Variants in ZNF148 observed in about 807,000 individuals in gnomAD.
ZNF148 encodes the protein Beta-Enolase Repressor Factor-1.
A neutral mutation model predicts 67.7 loss-of-function variants in ZNF148; 7 were observed. That is an observed-to-expected ratio of 0.10 (90% confidence interval 0.06 to 0.19). ZNF148 has a LOEUF of 0.19. Ranked by LOEUF, ZNF148 falls within the 10% of genes least tolerant of loss-of-function variation. ZNF148 has a pLI of 1.00. For synonymous variants in ZNF148, 333 were observed against 330.7 expected (o/e 1.01, Z -0.08); for missense variants, 583 against 947.1 (o/e 0.62, Z 5.05).
chr3:125,288,753 C>T (rs1464558882), intron 4 of ZNF148, among the ~76,000 whole-genome samples: 3 of 152,058 alleles, frequency 2.0e-5, no homozygotes, highest in Admixed American at 2.0e-4. Context: ...TATCTTCATG[C>T]TCAACAGTTT....
intron 5 of ZNF148, among the ~76,000 whole-genome samples, chr3:125,284,714 G>T (rs1429565380): frequency 6.6e-6 from 1 of 152,064 alleles, no homozygotes; most frequent in Non-Finnish European, 1.5e-5. Flanking sequence ...TATTTAAAAG[G>T]TGTAAGCTTC....
Position 125,232,198 on chromosome 3 carries a change from G to A in ZNF148, c.*143C>T. The A allele has an allele frequency of 1.0e-6, 1 of 994,926 alleles. No individual in the cohort carries two copies. The highest frequency in any genetic ancestry group is 1.4e-6 in the Non-Finnish European group (1 of 713,124). The allele number at this position is 994,926 out of a possible 1,614,324, so 61.6% of individuals were successfully genotyped here. Reference sequence around the variant, plus strand: ...ACTAACCAAACGAAATGCAGTTATTGGATTATCTTGCTATTCATATCAGCT... The same window carrying A: ...ACTAACCAAACGAAATGCAGTTATTAGATTATCTTGCTATTCATATCAGCT... On this transcript the variant is annotated 3_prime_UTR_variant, in exon 9 of 9. Coordinates refer to ENST00000360647, the MANE Select transcript of ZNF148 (RefSeq NM_021964.3). This position sits in a 1 kb window ranked among gnomAD's most constrained non-coding sequence, Gnocchi z 4.2.
At chr3:125,275,139 G>T (rs1162212286) in intron 7 of ZNF148, among the ~76,000 whole-genome samples, 1 of 152,196 alleles carries the variant, frequency 6.6e-6, no homozygotes, top group Non-Finnish European at 1.5e-5. Context: ...ACGAAGTAAA[G>T]AAGGGAAAAC....
intron 1 of ZNF148, among the ~76,000 whole-genome samples, chr3:125,372,579 T>TA (rs1457843313): frequency 6.6e-6 from 1 of 152,228 alleles, no homozygotes; most frequent in Admixed American, 6.5e-5. Context: ...AATTAATGCT[T>TA]AAAAGTAGCA....
intron 7 of ZNF148, among the ~76,000 whole-genome samples, chr3:125,243,550 T>C (rs1193381115): frequency 6.6e-6 from 1 of 152,182 alleles, no homozygotes; most frequent in Non-Finnish European, 1.5e-5. Flanking sequence ...GAGCAGGGTC[T>C]CACTCTGGCA....
intron 1 of ZNF148, among the ~76,000 whole-genome samples, chr3:125,372,533 T>G (rs1265363174): frequency 6.6e-6 from 1 of 152,198 alleles, no homozygotes; most frequent in Non-Finnish European, 1.5e-5. Context: ...TGCCCATTAC[T>G]TGGAGACATG....
At chr3:125,278,095 A>ATG (rs1282872353) in intron 6 of ZNF148, among the ~76,000 whole-genome samples, 3 of 152,168 alleles carry the variant, frequency 2.0e-5, no homozygotes, top group Non-Finnish European at 4.4e-5. Flanking sequence ...TTTTAACATC[A>ATG]TGGGGTGAGA....
chr3:125,285,104 T>A (rs1938590484), intron 5 of ZNF148, among the ~76,000 whole-genome samples: 1 of 152,126 alleles, frequency 6.6e-6, no homozygotes, highest in Non-Finnish European at 1.5e-5. Context: ...CTTGTGCAGA[T>A]CCCCAATCTA....
At chr3:125,294,625 T>C (rs564436790) in intron 4 of ZNF148, among the ~76,000 whole-genome samples, 4 of 152,336 alleles carry the variant, frequency 2.6e-5, no homozygotes, top group African/African-American at 2.4e-5. Context: ...TTCACTACCA[T>C]GCACTGTCCT....
At chr3:125,374,435 T>C (rs1942992556) in intron 1 of ZNF148, among the ~76,000 whole-genome samples, 1 of 152,132 alleles carries the variant, frequency 6.6e-6, no homozygotes. Flanking sequence ...CTATCTCCCT[T>C]CTTTCCTTCC....
At chr3:125,305,013 TAAAC>T (rs1939799322) in intron 4 of ZNF148, among the ~76,000 whole-genome samples, 2 of 152,230 alleles carry the variant, frequency 1.3e-5, no homozygotes, top group Admixed American at 1.3e-4. Flanking sequence ...AGCCAAATCT[TAAAC>T]AAACTGAGTA....
chr3:125,230,989 G>A lies in ZNF148; in HGVS notation c.*1352C>T, dbSNP rs1482006489. ...CCATGCTGTATTATTTTAAGACAGA[G>A]TATTAAAAAAAAACATTCATGGTAT... On this transcript the variant is annotated 3_prime_UTR_variant, in exon 9 of 9. Transcript: ENST00000360647. 1.3e-5 allele frequency: 2 copies of A among 152,048 alleles called. No individual in the cohort carries two copies. The highest frequency in any genetic ancestry group is 4.8e-5 in the African/African-American group (2 of 41,272). The allele number at this position is 152,048 out of a possible 1,614,324, so 9.4% of individuals were successfully genotyped here.
chr3:125,281,681 C>T (rs1295913053), intron 5 of ZNF148, among the ~76,000 whole-genome samples: 3 of 152,164 alleles, frequency 2.0e-5, no homozygotes, highest in Non-Finnish European at 4.4e-5. Flanking sequence ...GTACTGCTGC[C>T]TTTCATTGTA....
At chr3:125,353,437 T>C (rs866806863) in intron 1 of ZNF148, among the ~76,000 whole-genome samples, 6 of 152,104 alleles carry the variant, frequency 3.9e-5, no homozygotes, top group South Asian at 2.1e-4. Flanking sequence ...AAGTGCAGGT[T>C]TAAAAAGCAG....
chr3:125,279,340 G>C, intron 5 of ZNF148, 93 bp from the exon 6 acceptor site: 1 of 985,618 alleles, frequency 1.0e-6, no homozygotes, highest in Non-Finnish European at 1.4e-6. Flanking sequence ...GCAAACAACG[G>C]TCACCACAGA....
chr3:125,338,331 T>A (rs1198998719), intron 1 of ZNF148, among the ~76,000 whole-genome samples: 1 of 152,142 alleles, frequency 6.6e-6, no homozygotes, highest in Non-Finnish European at 1.5e-5. Flanking sequence ...TACATATGTA[T>A]ATAATCAGAG....
intron 7 of ZNF148, among the ~76,000 whole-genome samples, chr3:125,257,965 A>G (rs935475775): frequency 6.6e-6 from 1 of 152,208 alleles, no homozygotes; most frequent in Admixed American, 6.5e-5. Context: ...TACAATTACA[A>G]TAGTAGTTCT....
chr3:125,357,175 G>C (rs909371168), intron 1 of ZNF148: 1 of 152,180 alleles, frequency 6.6e-6, no homozygotes, highest in African/African-American at 2.4e-5. Context: ...CTGCGCCAGC[G>C]GGGCAGGCCC....
intron 7 of ZNF148, among the ~76,000 whole-genome samples, chr3:125,239,629 A>C (rs1436036383): frequency 6.6e-6 from 1 of 152,186 alleles, no homozygotes; most frequent in African/African-American, 2.4e-5. Context: ...GAAAATGTTA[A>C]ATATGACCCA....
Sources: allele counts gnomAD v4.1 joint callset (sites outside exome capture counted in the v4.1 genomes callset), GRCh38; gene constraint gnomAD v4.1.1; non-coding constraint Gnocchi (gnomAD v3.1); transcripts MANE v1.5; gene names NCBI Gene and HGNC (gene_info 2026-07-23, HGNC 2026-07-21).